Variants in USP42 observed in about 807,000 individuals in gnomAD.
USP42 encodes ubiquitin carboxyl-terminal hydrolase 42.
A neutral mutation model predicts 113.0 loss-of-function variants in USP42; 23 were observed. The observed-to-expected ratio is 0.20, with a 90% CI of 0.15 to 0.29. The LOEUF is 0.29. Among genes scored for constraint, USP42 ranks in the 10% least tolerant of loss-of-function variants. USP42 has a pLI of 1.00. For missense variants in USP42, 2,174 were observed against 1,779.8 expected, an observed-to-expected ratio of 1.22 and a Z score of -3.99; for synonymous variants, 933 against 699.0, an observed-to-expected ratio of 1.33 and a Z score of -5.28.
intron 3 of USP42, among the ~76,000 whole-genome samples, chr7:6,125,819 TG>T (rs1160664667): frequency 2.0e-5 from 3 of 152,050 alleles, no homozygotes; most frequent in African/African-American, 4.8e-5. Context: ...TTTTAGTTTT[TG>T]TTTTTTTTTT....
intron 1 of USP42, among the ~76,000 whole-genome samples, chr7:6,106,406 C>T (rs562964505): frequency 2.8e-4 from 42 of 152,232 alleles, no homozygotes; most frequent in African/African-American, 1.0e-3. Context: ...AGTGAAACTC[C>T]ACAAATGAAG....
intron 15 of USP42, among the ~76,000 whole-genome samples, chr7:6,156,433 A>G (rs1365035977): frequency 6.6e-6 from 1 of 152,162 alleles, no homozygotes; most frequent in Non-Finnish European, 1.5e-5. Context: ...GGACTGAAAC[A>G]GTCATTACAG....
rs182697924 is a variant in USP42, at chr7:6,117,329, C to G, written c.442+1806C>G. On this transcript the variant is annotated intron_variant, in intron 3 of 17. Coordinates refer to ENST00000306177, the MANE Select transcript of USP42 (RefSeq NM_032172.3). ...TATTCTCATATTATCTCGCTTCTTT[C>G]ACTCAGCATAATCCTGTCAACATTA... Among the ~76,000 whole-genome samples, 13 of 152,286 alleles carry G rather than the reference C, an allele frequency of 8.5e-5. No individual in the cohort carries two copies. The East Asian group carries it at 2.5e-3, about 29-fold the overall frequency.
At chr7:6,147,617 T>G in intron 11 of USP42, 122 bp from the exon 12 acceptor site, 2 of 1,162,064 alleles carry the variant, frequency 1.7e-6, no homozygotes, top group Non-Finnish European at 2.4e-6. Flanking sequence ...CTGTGTAGCA[T>G]AAACATGCTA....
In USP42 at chr7:6,159,070, C is replaced by T. The variant is rs572866913; in HGVS notation, c.3944-380C>T. ...CCTTCTGAGAAGGCCGCTGCCCGGCCCCGCCTCACCCAGCGTCCTGTGGTC... is the reference window on the plus strand; with the variant it reads ...CCTTCTGAGAAGGCCGCTGCCCGGCTCCGCCTCACCCAGCGTCCTGTGGTC... On this transcript the variant is annotated intron_variant, in intron 16 of 17. Coordinates refer to ENST00000306177, the MANE Select transcript of USP42 (RefSeq NM_032172.3). The surrounding 1 kb of genome is among the most constrained non-coding windows in gnomAD (Gnocchi z 4.1). 6.6e-5 allele frequency among the ~76,000 whole-genome samples: 10 copies of T among 152,198 alleles called. No individual in the cohort carries two copies. Among genetic ancestry groups the T allele is most frequent in the Non-Finnish European group, 1.0e-4 (7 of 68,030 alleles).
the USP42 span, among the ~76,000 whole-genome samples, chr7:6,086,712 T>C: frequency 2.8e-5 from 4 of 144,808 alleles, no homozygotes; most frequent in Non-Finnish European, 4.5e-5. Flanking sequence ...TTCCTTTCCT[T>C]TTCCTTTTCC....
intron 3 of USP42, among the ~76,000 whole-genome samples, chr7:6,128,731 G>A (rs1780677176): frequency 6.6e-6 from 1 of 151,860 alleles, no homozygotes; most frequent in East Asian, 1.9e-4. Context: ...TTTTTTATAT[G>A]TCTGTGTTTT....
At chr7:6,149,440 A>T in intron 12 of USP42, 143 bp from the exon 13 acceptor site, 1 of 1,063,412 alleles carries the variant, frequency 9.4e-7, no homozygotes. Context: ...TGAGAAAAAC[A>T]GAGAACATTT....
rs756583514 is a variant in USP42, at chr7:6,147,826, G to C, written c.1320G>C (p.Arg440=). Residue 440 remains arginine, a synonymous_variant, in exon 12 of 18, where the codon CGG becomes CGC. Transcript: ENST00000306177. ...CTCCCCGCCCCGTCATCAGTCAGCG[G>C]GTTGTCACCAACAAACAGGCTGCGC... The part of the protein sequence containing the change: ...QSSPRPVISQ[R]VVTNKQAAPG... 2 of 1,613,618 alleles carry C rather than the reference G, an allele frequency of 1.2e-6. No homozygotes were observed. The highest frequency in any genetic ancestry group is 1.7e-6 in the Non-Finnish European group (2 of 1,179,712).
chr7:6,082,495 G>C, the USP42 span, among the ~76,000 whole-genome samples: 2 of 150,064 alleles, frequency 1.3e-5, no homozygotes, highest in Non-Finnish European at 2.9e-5. Context: ...GCTCACACTT[G>C]TAATCTCAGC....
At chr7:6,138,612 GACTGGT>G (rs936441489) in intron 4 of USP42, among the ~76,000 whole-genome samples, 4 of 152,310 alleles carry the variant, frequency 2.6e-5, no homozygotes, top group Admixed American at 2.6e-4. Flanking sequence ...CTGGGCCGTA[GACTGGT>G]ACCCAATGTG....
intron 10 of USP42, among the ~76,000 whole-genome samples, chr7:6,145,928 C>T (rs908348587): frequency 3.9e-5 from 6 of 152,026 alleles, no homozygotes; most frequent in Non-Finnish European, 8.8e-5. Flanking sequence ...AAATTATCTG[C>T]GTGTGGTGGC....
At chr7:6,125,905 T>C (rs1780518055) in intron 3 of USP42, among the ~76,000 whole-genome samples, 1 of 152,138 alleles carries the variant, frequency 6.6e-6, no homozygotes, top group Non-Finnish European at 1.5e-5. Flanking sequence ...TCACATGCAC[T>C]TGTAAGAAAT....
intron 3 of USP42, among the ~76,000 whole-genome samples, chr7:6,131,010 C>A (rs1318880893): frequency 1.3e-5 from 2 of 152,068 alleles, no homozygotes; most frequent in African/African-American, 4.8e-5. Context: ...GCACCTGGCC[C>A]TGAGATGATT....
chr7:6,095,355 A>C, the USP42 span, among the ~76,000 whole-genome samples: 1 of 151,214 alleles, frequency 6.6e-6, no homozygotes, highest in Non-Finnish European at 1.5e-5. Flanking sequence ...ATTCCCCAGC[A>C]TATAATTACG....
chr7:6,112,100 G>A (rs1161094153), intron 2 of USP42: 1 of 151,706 alleles, frequency 6.6e-6, no homozygotes, highest in East Asian at 1.9e-4. Context: ...TTTTGTTTTT[G>A]TTTTTGTTTT....
intron 3 of USP42, among the ~76,000 whole-genome samples, chr7:6,120,844 A>G (rs528513448): frequency 9.2e-5 from 14 of 152,352 alleles, no homozygotes; most frequent in African/African-American, 3.1e-4. Context: ...TCGGCCTCCC[A>G]AAGTGCTGGG....
chr7:6,083,825 A>G, the USP42 span, among the ~76,000 whole-genome samples: 2 of 150,548 alleles, frequency 1.3e-5, no homozygotes, highest in Admixed American at 6.6e-5. Flanking sequence ...CAATCTGCAT[A>G]TTCAGAGCTG....
chr7:6,101,763 C>A (rs767075143), upstream of USP42, among the ~76,000 whole-genome samples: 2 of 150,986 alleles, frequency 1.3e-5, no homozygotes, highest in Non-Finnish European at 2.9e-5. Flanking sequence ...GGGTAGACAA[C>A]GCCAAGAGAT....
Sources: allele counts gnomAD v4.1 joint callset (sites outside exome capture counted in the v4.1 genomes callset), GRCh38; gene constraint gnomAD v4.1.1; non-coding constraint Gnocchi (gnomAD v3.1); transcripts MANE v1.5; gene names NCBI Gene and HGNC (gene_info 2026-07-23, HGNC 2026-07-21).